TUBB8: variants seen among roughly 807,000 people sequenced by gnomAD.
TUBB8 encodes the protein tubulin beta-8 chain.
In TUBB8, 25 loss-of-function variants were observed where a neutral mutation model predicts 33.7. The ratio of observed to expected loss-of-function variants is 0.74; its 90% CI spans 0.54 to 1.04. The LOEUF is 1.04. Among genes scored for constraint, TUBB8 ranks in the 50% least tolerant of loss-of-function variants. The pLI, the probability that TUBB8 is intolerant of heterozygous loss-of-function variation, is 0.00. For missense variants in TUBB8, 279 were observed against 608.0 expected (o/e 0.46, Z 5.69); for synonymous variants, 245 against 240.1 (o/e 1.02, Z -0.19).
At chr10:51,427 T>C (rs574289929), upstream of TUBB8, among the ~76,000 whole-genome samples, 42 of 152,350 alleles carry the variant, frequency 2.8e-4, no homozygotes, top group African/African-American at 9.9e-4. Flanking sequence ...ACAAGCTCTT[T>C]TGCCTGCTGC....
intron 1 of TUBB8, among the ~76,000 whole-genome samples, chr10:67,704 C>A (rs1270262859): frequency 6.9e-6 from 1 of 145,128 alleles, no homozygotes; most frequent in Non-Finnish European, 1.5e-5. Flanking sequence ...GGATTACAGG[C>A]GTGAGCCACC....
chr10:66,812 A>G (rs569783150), intron 1 of TUBB8, among the ~76,000 whole-genome samples: 1 of 152,212 alleles, frequency 6.6e-6, no homozygotes, highest in South Asian at 2.1e-4. Context: ...CCTGTATAAA[A>G]AAATCAAAAA....
exon 1 of TUBB8, chr10:74,019 G>A (rs12413667): frequency 0.019 from 3,015 of 156,154 alleles, 113 homozygotes; most frequent in Admixed American, 0.056. Context: ...TCCTCACAGC[G>A]GACGCGGCCC....
At chr10:64,805 A>G (rs1472814051) in intron 1 of TUBB8, among the ~76,000 whole-genome samples, 1 of 152,156 alleles carries the variant, frequency 6.6e-6, no homozygotes, top group Non-Finnish European at 1.5e-5. Context: ...CTAATACTGA[A>G]GGAAGTGCCA....
At chr10:70,727 C>A (rs1834725660) in intron 1 of TUBB8, among the ~76,000 whole-genome samples, 1 of 151,950 alleles carries the variant, frequency 6.6e-6, no homozygotes, top group Non-Finnish European at 1.5e-5. Flanking sequence ...GTAATCCCAG[C>A]TACTCAAGAG....
At position 48,123 on chromosome 10, in the gene TUBB8, C is replaced by T. The variant is rs1554738617; in HGVS notation, c.278-9G>A. ...TCCGGCCCCACACTGACCTGTAAGA[C>T]AGCACAGCCGGTCACTCGACGGCCA... On this transcript the variant is annotated splice_polypyrimidine_tract_variant and intron_variant, in intron 3 of 3. Transcript: ENST00000568584. 6.2e-7 allele frequency: 1 copy of T among 1,604,720 alleles called. No homozygotes were observed. The highest frequency in any genetic ancestry group is 1.1e-5 in the South Asian group (1 of 90,738).
At chr10:76,163 C>T (rs1352980759), upstream of TUBB8, among the ~76,000 whole-genome samples, 1 of 142,652 alleles carries the variant, frequency 7.0e-6, no homozygotes, top group African/African-American at 2.5e-5. Context: ...AAAAAAAACA[C>T]GAGCACCGAT....
chr10:48,514 G>A (rs1452582692), intron 3 of TUBB8, 101 bp downstream of exon 3: 1 of 1,160,004 alleles, frequency 8.6e-7, no homozygotes, highest in Non-Finnish European at 1.3e-6. Flanking sequence ...GGTGTTCAGG[G>A]GCCCTAGCTC....
At chr10:64,520 C>A (rs10904409) in intron 1 of TUBB8, among the ~76,000 whole-genome samples, 3 of 151,630 alleles carry the variant, frequency 2.0e-5, no homozygotes, top group African/African-American at 4.9e-5. Flanking sequence ...TCACCCTAAC[C>A]CTTAACCCTA....
intron 1 of TUBB8, among the ~76,000 whole-genome samples, chr10:70,212 C>T (rs1554742126): frequency 6.6e-6 from 1 of 151,936 alleles, no homozygotes; most frequent in Non-Finnish European, 1.5e-5. Flanking sequence ...TATAACAATT[C>T]CCTCAATTGA....
chr10:63,225 C>T (rs1834625934), intron 1 of TUBB8, among the ~76,000 whole-genome samples: 1 of 152,182 alleles, frequency 6.6e-6, no homozygotes, highest in African/African-American at 2.4e-5. Context: ...AGGTACCCAC[C>T]ACCGCGCCCA....
chr10:46,790 G>T (rs1208149898), downstream of TUBB8: 6 of 417,526 alleles, frequency 1.4e-5, no homozygotes, highest in Non-Finnish European at 2.6e-5. Context: ...TTGTTCCTGG[G>T]CATGTGATGA....
chr10:75,185 A>T (rs1205142008), upstream of TUBB8, among the ~76,000 whole-genome samples: 20 of 147,916 alleles, frequency 1.4e-4, no homozygotes, highest in African/African-American at 2.2e-4. Flanking sequence ...GCCCAGCCAA[A>T]TTTTTTTTTT....
At chr10:49,559 C>G (rs1554739228), upstream of TUBB8, 5 of 580,330 alleles carry the variant, frequency 8.6e-6, no homozygotes, top group Non-Finnish European at 9.7e-6. Flanking sequence ...AATTTTCCTC[C>G]CATGTGGGAG....
At position 49,234 on chromosome 10, in the gene TUBB8, CT is replaced by C; in HGVS notation, c.4del (p.Arg2GlyfsTer22). On this transcript the variant is annotated frameshift_variant, in exon 1 of 4. Coordinates refer to ENST00000568584, the MANE Select transcript of TUBB8 (RefSeq NM_177987.3). LOFTEE classifies it high-confidence loss of function. ...CCCGATCTGCGTGAGCACGATCTCC[CT>C]CATGGCCAAGGCGGGATTAGGACGG... M[R>X]EIVLTQIGQC... The C allele has an allele frequency of 6.3e-7, 1 of 1,585,254 alleles. No individual in the cohort carries two copies. Among genetic ancestry groups the C allele is most frequent in the South Asian group, 1.1e-5 (1 of 87,118 alleles).
chr10:56,767 C>T (rs1834535509), intron 1 of TUBB8, among the ~76,000 whole-genome samples: 1 of 152,186 alleles, frequency 6.6e-6, no homozygotes, highest in South Asian at 2.1e-4. Flanking sequence ...GGTGGGAACA[C>T]ACACCTAAAC....
upstream of TUBB8, chr10:50,309 T>C (rs1340862203): frequency 6.6e-6 from 1 of 152,252 alleles, no homozygotes; most frequent in Non-Finnish European, 1.5e-5. Context: ...TGCTGAGTTA[T>C]ACTCCTGTGA....
intron 1 of TUBB8, among the ~76,000 whole-genome samples, chr10:54,588 G>C (rs1834506325): frequency 6.6e-6 from 1 of 152,136 alleles, no homozygotes; most frequent in African/African-American, 2.4e-5. Context: ...GTAATGTGGA[G>C]CACCTTTTTA....
upstream of TUBB8, among the ~76,000 whole-genome samples, chr10:53,007 T>A (rs140367257): frequency 0.025 from 3,824 of 152,308 alleles, 71 homozygotes; most frequent in Middle Eastern, 0.071. Flanking sequence ...AAGAGTGAAA[T>A]TAGTACTCAA....
Sources: allele counts gnomAD v4.1 joint callset (sites outside exome capture counted in the v4.1 genomes callset), GRCh38; gene constraint gnomAD v4.1.1; transcripts MANE v1.5; gene names NCBI Gene and HGNC (gene_info 2026-07-23, HGNC 2026-07-21).